Variants in MAP3K1 observed in about 807,000 individuals in gnomAD.
MAP3K1 encodes the protein mitogen-activated protein kinase kinase kinase 1.
MAP3K1 carries 36 observed loss-of-function variants against 144.2 expected under a neutral mutation model. The observed-to-expected ratio is 0.25, with a 90% CI of 0.19 to 0.33. The LOEUF (loss-of-function observed/expected upper bound fraction) is 0.33, where lower values mean the gene tolerates loss of function less well. Ranked by LOEUF, MAP3K1 falls within the 10% of genes least tolerant of loss-of-function variation. MAP3K1 has a pLI of 1.00. For missense variants in MAP3K1, 1,650 were observed against 1,881.9 expected (o/e 0.88, Z 2.28); for synonymous variants, 718 against 688.7 (o/e 1.04, Z -0.67).
rs1255950954 is a variant in MAP3K1, at chr5:56,880,758, G to A, written c.2135G>A (p.Gly712Asp). The A allele has an allele frequency of 6.2e-7, 1 of 1,613,754 alleles. No homozygotes were observed. The highest frequency in any genetic ancestry group is 2.2e-5 in the East Asian group (1 of 44,852). Residue 712 changes from glycine to aspartate, a missense_variant, in exon 12 of 20, where the codon GGC becomes GAC. Gly to Asp is a moderately conservative substitution (Grantham distance 94, BLOSUM62 -1). This residue lies in a region of MAP3K1 where 841 missense variants were observed against 886.5 expected (regional missense o/e 0.95). Coordinates refer to ENST00000399503, the MANE Select transcript of MAP3K1 (RefSeq NM_005921.2). ...TCAACACTGTTGGAACTGTGCAAAG[G>A]CCAAGCAGGAGAGTTGGCAGTTGGC... ...SISTLLELCK[G>D]QAGELAVGRE...
At chr5:56,829,344 G>A (rs997360952) in intron 1 of MAP3K1, among the ~76,000 whole-genome samples, 16 of 132,918 alleles carry the variant, frequency 1.2e-4, no homozygotes, top group East Asian at 4.0e-4. Context: ...CACTGTGCCC[G>A]GCAAATTTTT....
intron 1 of MAP3K1, among the ~76,000 whole-genome samples, chr5:56,838,324 T>G (rs1746714842): frequency 6.6e-6 from 1 of 152,194 alleles, no homozygotes; most frequent in Admixed American, 6.5e-5. Context: ...AGAAAACAGT[T>G]ATGATGAATG....
chr5:56,844,409 G>T (rs1015050545), intron 1 of MAP3K1, among the ~76,000 whole-genome samples: 1 of 151,914 alleles, frequency 6.6e-6, no homozygotes, highest in African/African-American at 2.4e-5. Context: ...TCGATCTCCT[G>T]ACCTCGTGAT....
At chr5:56,860,841 G>A (rs966517187) in intron 3 of MAP3K1, among the ~76,000 whole-genome samples, 6 of 150,170 alleles carry the variant, frequency 4.0e-5, no homozygotes, top group Non-Finnish European at 5.9e-5. Context: ...CGACAACAGC[G>A]AAACTCCATC....
At chr5:56,853,176 A>G (rs1425971130) in intron 1 of MAP3K1, among the ~76,000 whole-genome samples, 1 of 152,244 alleles carries the variant, frequency 6.6e-6, no homozygotes, top group African/African-American at 2.4e-5. Flanking sequence ...AACACCTGCC[A>G]GTTAAATTAT....
intron 17 of MAP3K1, among the ~76,000 whole-genome samples, chr5:56,886,699 T>C (rs1441450114): frequency 6.6e-6 from 1 of 152,208 alleles, no homozygotes; most frequent in Admixed American, 6.5e-5. Flanking sequence ...ATTGGGATAT[T>C]GGGATATCAT....
intron 1 of MAP3K1, among the ~76,000 whole-genome samples, chr5:56,842,808 T>G (rs1468071390): frequency 1.3e-5 from 2 of 152,212 alleles, no homozygotes; most frequent in Non-Finnish European, 2.9e-5. Flanking sequence ...CTACTTTATA[T>G]GGTAGATACT....
chr5:56,870,622 CA>C (rs1245390413), intron 6 of MAP3K1, among the ~76,000 whole-genome samples: 40 of 152,164 alleles, frequency 2.6e-4, no homozygotes, highest in Admixed American at 5.9e-4. Context: ...TAAACAAATA[CA>C]AAGTCATGCC....
chr5:56,878,754 CTT>C (rs1169447759), intron 10 of MAP3K1, among the ~76,000 whole-genome samples: 2 of 152,026 alleles, frequency 1.3e-5, no homozygotes, highest in Non-Finnish European at 2.9e-5. Context: ...TGAATTCAGA[CTT>C]TTAAAAATTG....
intron 19 of MAP3K1, among the ~76,000 whole-genome samples, chr5:56,890,880 C>A (rs62358107): frequency 3.4e-5 from 5 of 148,734 alleles, no homozygotes; most frequent in Non-Finnish European, 7.5e-5. Context: ...CCCATCTCTA[C>A]CAAAAAAAAA....
intron 17 of MAP3K1, among the ~76,000 whole-genome samples, 196 bp from the exon 18 acceptor site, chr5:56,887,182 T>C (rs916545933): frequency 6.6e-6 from 1 of 152,378 alleles, no homozygotes; most frequent in Non-Finnish European, 1.5e-5. Context: ...ATTATGAATT[T>C]AGCGTACGCT....
chr5:56,860,033 C>A, intron 3 of MAP3K1, 118 bp downstream of exon 3: 1 of 920,076 alleles, frequency 1.1e-6, no homozygotes, highest in Non-Finnish European at 1.7e-6. Context: ...GATCTGCAGA[C>A]CCCTGAGGAT....
intron 6 of MAP3K1, among the ~76,000 whole-genome samples, chr5:56,870,358 A>G (rs1193305916): frequency 6.6e-6 from 1 of 152,168 alleles, no homozygotes; most frequent in East Asian, 1.9e-4. Context: ...TTATATTATA[A>G]TGAAAATACG....
intron 19 of MAP3K1, among the ~76,000 whole-genome samples, chr5:56,889,741 T>C (rs1748490179): frequency 6.6e-6 from 1 of 152,080 alleles, no homozygotes; most frequent in South Asian, 2.1e-4. Context: ...ACATGTAAAA[T>C]TGGTGCAAGA....
At chr5:56,841,425 A>G (rs2111815903) in intron 1 of MAP3K1, among the ~76,000 whole-genome samples, 1 of 152,290 alleles carries the variant, frequency 6.6e-6, no homozygotes, top group South Asian at 2.1e-4. Context: ...TATGTCACCC[A>G]TACTGATATA....
intron 1 of MAP3K1, chr5:56,842,206 G>T (rs1479418337): frequency 6.6e-6 from 1 of 152,130 alleles, no homozygotes; most frequent in Non-Finnish European, 1.5e-5. Flanking sequence ...AGTCAACATT[G>T]TTACCTTCTG....
chr5:56,815,816 C>G lies in MAP3K1; in HGVS notation c.243C>G (p.Ala81=). Residue 81 remains alanine, a synonymous_variant, in exon 1 of 20, where the codon GCC becomes GCG. Transcript: ENST00000399503. Reference sequence around the variant, plus strand: ...TGCCTGAGCAGCCGCTCTTCCTTGCCGCCTCACCGCCGGCCTCCTCGACTT... The same window carrying G: ...TGCCTGAGCAGCCGCTCTTCCTTGCGGCCTCACCGCCGGCCTCCTCGACTT... ...DQLPEQPLFL[A]ASPPASSTSP... The G allele has an allele frequency of 7.0e-7, 1 of 1,422,478 alleles. No homozygotes were observed. Among genetic ancestry groups the G allele is most frequent in the African/African-American group, 1.5e-5 (1 of 67,724 alleles). 88.1% of individuals were successfully genotyped at this position (1,422,478 alleles called of 1,614,324 possible).
Position 56,872,145 on chromosome 5 carries a change from GT to G in MAP3K1, c.1423+115del, listed in dbSNP as rs1306595874. On this transcript the variant is annotated intron_variant, in intron 7 of 19. Transcript: ENST00000399503. ...GGAAATTGGTGAGAGAATAAAAAAA[GT>G]ATATCTAAGTCCTAAGTCCTATGTG... is the stretch of plus-strand genomic sequence containing the variant. 4 of 1,340,356 alleles carry G rather than the reference GT, an allele frequency of 3.0e-6. No individual in the cohort carries two copies. In the African/African-American group the frequency reaches 5.8e-5, roughly 19 times the overall value. 83.0% of individuals were successfully genotyped at this position (1,340,356 alleles called of 1,614,324 possible). A position where few individuals can be genotyped will look rare whatever the true frequency, so the allele number is the denominator to read the frequency against.
intron 19 of MAP3K1, among the ~76,000 whole-genome samples, 170 bp from the exon 20 acceptor site, chr5:56,893,361 A>G (rs1454325078): frequency 6.6e-6 from 1 of 152,352 alleles, no homozygotes; most frequent in East Asian, 1.9e-4. Flanking sequence ...CCTCCCATCC[A>G]GTGGATGAAT....
Sources: allele counts gnomAD v4.1 joint callset (sites outside exome capture counted in the v4.1 genomes callset), GRCh38; gene constraint gnomAD v4.1.1; regional missense constraint gnomAD v4.1.1; transcripts MANE v1.5; gene names NCBI Gene and HGNC (gene_info 2026-07-23, HGNC 2026-07-21).